The following SLC12A8 variants were observed in gnomAD, a reference collection of about 807,000 sequenced individuals.
SLC12A8 encodes solute carrier family 12 member 8.
In SLC12A8, 69 loss-of-function variants were observed where a neutral mutation model predicts 75.6. That is an observed-to-expected ratio of 0.91 (90% CI 0.75 to 1.11). SLC12A8 has a LOEUF of 1.11. SLC12A8 is among the 50% of genes most tolerant of loss of function. The pLI is 0.00. For missense variants in SLC12A8, 877 were observed against 896.7 expected (o/e 0.98, Z 0.28); for synonymous variants, 365 against 372.8 (o/e 0.98, Z 0.24).
At chr3:125,144,099 C>A (rs1274742060) in intron 5 of SLC12A8, among the ~76,000 whole-genome samples, 1 of 152,202 alleles carries the variant, frequency 6.6e-6, no homozygotes, top group Non-Finnish European at 1.5e-5. Flanking sequence ...GCGGAAAGAG[C>A]TGTCAAATGC....
chr3:125,204,141 G>A (rs13100784), intron 2 of SLC12A8, among the ~76,000 whole-genome samples: 9,219 of 152,228 alleles, frequency 0.061, 487 homozygotes, highest in African/African-American at 0.14. Context: ...TGGTGAAAAT[G>A]TGAATTATTA....
At chr3:125,202,649 T>TA (rs1560085620) in intron 2 of SLC12A8, among the ~76,000 whole-genome samples, 8 of 5,062 alleles carry the variant, frequency 1.6e-3, no homozygotes, top group South Asian at 7.7e-3. Flanking sequence ...TTTTTTTTTT[T>TA]TAAATCTGTA....
chr3:125,120,483 T>C (rs1933026588), intron 7 of SLC12A8, 116 bp downstream of exon 7: 10 of 774,850 alleles, frequency 1.3e-5, no homozygotes, highest in Admixed American at 8.8e-5. Context: ...GATCGGAATA[T>C]GAAATAGATT....
intron 5 of SLC12A8, among the ~76,000 whole-genome samples, chr3:125,139,966 A>G (rs1933589010): frequency 6.6e-6 from 1 of 152,228 alleles, no homozygotes; most frequent in African/African-American, 2.4e-5. Flanking sequence ...TTAAGGTTCG[A>G]GACCTCTACT....
At chr3:125,172,206 G>A (rs545573218) in intron 5 of SLC12A8, among the ~76,000 whole-genome samples, 2 of 151,654 alleles carry the variant, frequency 1.3e-5, no homozygotes, top group South Asian at 2.1e-4. Context: ...CCCGGGAGGT[G>A]GCAGTTGCAG....
chr3:125,104,130 G>A (rs1938960533), intron 10 of SLC12A8, among the ~76,000 whole-genome samples: 1 of 152,074 alleles, frequency 6.6e-6, no homozygotes, highest in Non-Finnish European at 1.5e-5. Context: ...TTTAGAGACA[G>A]GGTCTTGCTC....
rs144499329 is a variant in SLC12A8, at chr3:125,179,849, C to T, written c.391-1875G>A. Among the ~76,000 whole-genome samples the T allele has an allele frequency of 2.4e-3, 362 of 152,172 alleles. 2 individuals carry two copies. The highest frequency in any genetic ancestry group is 4.1e-3 in the Non-Finnish European group (277 of 67,994). Reference sequence around the variant, plus strand: ...GTGACGTTATTTCATCAGTATTTGGCCAGGTCAACAGGACTCTTCATGGTC... The same window carrying T: ...GTGACGTTATTTCATCAGTATTTGGTCAGGTCAACAGGACTCTTCATGGTC... On this transcript the variant is annotated intron_variant, in intron 4 of 13. Coordinates refer to ENST00000469902, the MANE Select transcript of SLC12A8 (RefSeq NM_024628.6).
chr3:125,194,269 G>A (rs1934963875), intron 2 of SLC12A8, among the ~76,000 whole-genome samples: 1 of 152,180 alleles, frequency 6.6e-6, no homozygotes, highest in Non-Finnish European at 1.5e-5. Flanking sequence ...TCATTGCTAG[G>A]GTCTTCCTTC....
intron 13 of SLC12A8, among the ~76,000 whole-genome samples, chr3:125,086,484 T>C (rs150590045): frequency 0.02 from 3,015 of 152,322 alleles, 50 homozygotes; most frequent in Admixed American, 0.04. Flanking sequence ...CCTATGGCAT[T>C]TTTAGGCTTT....
At chr3:125,147,516 C>T (rs547530275) in intron 5 of SLC12A8, among the ~76,000 whole-genome samples, 43 of 150,400 alleles carry the variant, frequency 2.9e-4, no homozygotes, top group Non-Finnish European at 5.0e-4. Context: ...ACCATCTCCC[C>T]GTCAGATTAG....
chr3:125,162,670 G>A (rs1934200847), intron 5 of SLC12A8, among the ~76,000 whole-genome samples: 1 of 152,202 alleles, frequency 6.6e-6, no homozygotes, highest in Admixed American at 6.5e-5. Flanking sequence ...CCTAGCAAAT[G>A]AGTAAACTTT....
chr3:125,084,031 C>T lies in SLC12A8; in HGVS notation c.2004G>A (p.Glu668=), dbSNP rs1485861096. ...PSCRSLRSPQ[E]QIILAPSLAK... ...CCAGGGACGGCGCCAAGATGATCTG[C>T]TCCTGAGGGGACCGCAAGCTCCTGC... Residue 668 remains glutamate, a synonymous_variant, in exon 14 of 14, where the codon GAG becomes GAA. Coordinates refer to ENST00000469902, the MANE Select transcript of SLC12A8 (RefSeq NM_024628.6). The T allele has an allele frequency of 6.2e-7, 1 of 1,612,546 alleles. No homozygotes were observed.
intron 2 of SLC12A8, among the ~76,000 whole-genome samples, chr3:125,195,590 CTG>C (rs1181215228): frequency 7.1e-6 from 1 of 140,632 alleles, no homozygotes; most frequent in Non-Finnish European, 1.6e-5. Context: ...CAGACTCAAT[CTG>C]TTGTTTTTTT....
chr3:125,084,671 G>A (rs1938413506), intron 13 of SLC12A8, among the ~76,000 whole-genome samples: 1 of 152,232 alleles, frequency 6.6e-6, no homozygotes. Context: ...CATAGGGAAA[G>A]TGCTAAGAGG....
Position 125,107,560 on chromosome 3 carries a change from G to A in SLC12A8, c.1626C>T (p.Ser542=), listed in dbSNP as rs372643808. The A allele has an allele frequency of 3.8e-5, 62 of 1,614,004 alleles. No individual in the cohort carries two copies. Among genetic ancestry groups the A allele is most frequent in the Non-Finnish European group, 4.7e-5 (56 of 1,180,014 alleles). ...ESCWNKQTSK[S]EGTQPEGTYG... Reference sequence around the variant, plus strand: ...ATGTTCCCTCAGGCTGAGTCCCTTCGCTCTTGGAAGTCTGCTTGTTCCAGC... The same window carrying A: ...ATGTTCCCTCAGGCTGAGTCCCTTCACTCTTGGAAGTCTGCTTGTTCCAGC... Residue 542 remains serine, a synonymous_variant, in exon 10 of 14, where the codon AGC becomes AGT. Transcript: ENST00000469902.
chr3:125,159,608 T>C (rs1046178628), intron 5 of SLC12A8, among the ~76,000 whole-genome samples: 1 of 151,968 alleles, frequency 6.6e-6, no homozygotes, highest in African/African-American at 2.4e-5. Context: ...GCACCAGGTA[T>C]TTCTGGACAT....
chr3:125,089,416 T>C (rs1404419385), intron 12 of SLC12A8, among the ~76,000 whole-genome samples: 2 of 152,170 alleles, frequency 1.3e-5, no homozygotes, highest in African/African-American at 2.4e-5. Flanking sequence ...AAATTTGATT[T>C]CATGTTTTCC....
chr3:125,120,942 C>T (rs1432574787), intron 6 of SLC12A8: 7 of 681,864 alleles, frequency 1.0e-5, no homozygotes, highest in African/African-American at 9.0e-5. Flanking sequence ...AAGCATCCTA[C>T]CGCTCAGCGC....
At chr3:125,162,027 T>C (rs921109204) in intron 5 of SLC12A8, among the ~76,000 whole-genome samples, 13 of 152,200 alleles carry the variant, frequency 8.5e-5, no homozygotes, top group African/African-American at 3.1e-4. Context: ...CATTGTGCGA[T>C]CCTCTGCCAT....
Sources: allele counts gnomAD v4.1 joint callset (sites outside exome capture counted in the v4.1 genomes callset), GRCh38; gene constraint gnomAD v4.1.1; transcripts MANE v1.5; gene names NCBI Gene and HGNC (gene_info 2026-07-23, HGNC 2026-07-21).